ZC3H14: variants seen among roughly 807,000 people sequenced by gnomAD.
The protein encoded by ZC3H14 is zinc finger CCCH domain-containing protein 14.
In ZC3H14, 31 loss-of-function variants were observed where a neutral mutation model predicts 92.4. That is an observed-to-expected ratio of 0.34 (90% CI 0.25 to 0.45). ZC3H14 has a LOEUF of 0.45. Ranked by LOEUF, ZC3H14 falls within the 20% of genes least tolerant of loss-of-function variation. The probability of loss-of-function intolerance (pLI) is 1.00; values close to 1 mark genes in which losing one functional copy is unlikely to be tolerated. For synonymous variants in ZC3H14, 321 were observed against 300.9 expected, an observed-to-expected ratio of 1.07 and a Z score of -0.69; for missense variants, 781 against 897.3, an observed-to-expected ratio of 0.87 and a Z score of 1.66.
At chr14:88,594,242 C>G (rs2083511529) in intron 9 of ZC3H14, 1 of 190,172 alleles carries the variant, frequency 5.3e-6, no homozygotes, top group Non-Finnish European at 9.7e-6. Flanking sequence ...TAATTCATAT[C>G]ATATTTAGAT....
intron 2 of ZC3H14, among the ~76,000 whole-genome samples, chr14:88,567,124 A>ATTTATTTT (rs142510062): frequency 0.24 from 34,677 of 145,146 alleles, 4,509 homozygotes; most frequent in East Asian, 0.3. Context: ...TTATTTATTT[A>ATTTATTTT]TTTTTTTTTG....
At chr14:88,579,656 C>T (rs1283742008) in intron 9 of ZC3H14, among the ~76,000 whole-genome samples, 5 of 152,158 alleles carry the variant, frequency 3.3e-5, no homozygotes, top group African/African-American at 9.7e-5. Context: ...TATTTTTTAA[C>T]ATCACAAAAT....
intron 3 of ZC3H14, among the ~76,000 whole-genome samples, chr14:88,568,909 G>A (rs1168184792): frequency 6.6e-6 from 1 of 151,876 alleles, no homozygotes; most frequent in Non-Finnish European, 1.5e-5. Context: ...TTGAGACAGG[G>A]TCTTGCTCTG....
chr14:88,578,100 A>G lies in ZC3H14; in HGVS notation c.1239A>G (p.Lys413=), dbSNP rs1487056044. 1 of 1,614,052 alleles carries G rather than the reference A, an allele frequency of 6.2e-7. No individual in the cohort carries two copies. Among genetic ancestry groups the G allele is most frequent in the African/African-American group, 1.3e-5 (1 of 74,928 alleles). Residue 413 remains lysine (K), a synonymous_variant, in exon 9 of 17, where the codon AAA becomes AAG. Transcript: ENST00000251038. The part of the protein sequence containing the change: ...SRTPRISPPI[K]EEETKGDSVE... ...CCCCCAGAATAAGTCCCCCCATTAAAGAAGAGGAAACAAAAGGAGATTCTG... is the reference window on the plus strand; with the variant it reads ...CCCCCAGAATAAGTCCCCCCATTAAGGAAGAGGAAACAAAAGGAGATTCTG...
At chr14:88,581,019 G>T (rs770703527) in intron 9 of ZC3H14, among the ~76,000 whole-genome samples, 49 of 152,268 alleles carry the variant, frequency 3.2e-4, no homozygotes, top group Non-Finnish European at 5.1e-4. Flanking sequence ...TTATCTATAT[G>T]CAGAAATTCA....
rs1052825101 is a variant in ZC3H14 at position 88,610,831 on chromosome 14, C to A, written c.2098-3C>A. 1.2e-6 allele frequency: 2 copies of A among 1,612,572 alleles called. No individual in the cohort carries two copies. The highest frequency in any genetic ancestry group is 2.7e-5 in the African/African-American group (2 of 74,974). ...TTGTTGAAGCTCTGTTATCTCTATT[C>A]AGCATTGTAGGTTTAACACTCAATG... On this transcript the variant is annotated splice_region_variant and splice_polypyrimidine_tract_variant and intron_variant, in intron 15 of 16. Transcript: ENST00000251038.
intron 9 of ZC3H14, among the ~76,000 whole-genome samples, chr14:88,596,413 A>G (rs1316902261): frequency 6.6e-6 from 1 of 152,170 alleles, no homozygotes; most frequent in African/African-American, 2.4e-5. Flanking sequence ...CTGCTGGGCC[A>G]CAAGGTGCCT....
In ZC3H14 at chr14:88,619,743, C is replaced by CA. The variant is rs2088522206; in HGVS notation, c.*7994dup. 1 of 152,178 alleles carries CA rather than the reference C, an allele frequency of 6.6e-6. No individual in the cohort carries two copies. The highest frequency in any genetic ancestry group is 2.4e-5 in the African/African-American group (1 of 41,436). 9.4% of individuals were successfully genotyped at this position (152,178 alleles called of 1,614,324 possible). A position where few individuals can be genotyped will look rare whatever the true frequency, so the allele number is the denominator to read the frequency against. On this transcript the variant is annotated 3_prime_UTR_variant, in exon 17 of 17. Transcript: ENST00000251038. ...TCTCCCAGGCTGGAGTGCGATGGCGCAACCTCCGCCTCCCGGGTTCAAGCG... is the reference window on the plus strand; with the variant it reads ...TCTCCCAGGCTGGAGTGCGATGGCGCAAACCTCCGCCTCCCGGGTTCAAGCG...
Position 88,626,635 on chromosome 14 carries a change from T to C in ZC3H14, c.*14884T>C. ...CTGTGTCAAAAAAAAAAAAAAATCCTTTTCCCCCTCTCATTAACATTCTTT... is the reference window on the plus strand; with the variant it reads ...CTGTGTCAAAAAAAAAAAAAAATCCCTTTCCCCCTCTCATTAACATTCTTT... On this transcript the variant is annotated 3_prime_UTR_variant, in exon 17 of 17. Coordinates refer to ENST00000251038, the MANE Select transcript of ZC3H14 (RefSeq NM_024824.5). The C allele has an allele frequency of 5.0e-6, 3 of 604,074 alleles. No individual in the cohort carries two copies. The East Asian group carries it at 8.9e-5, about 18-fold the overall frequency. 37.4% of individuals were successfully genotyped at this position (604,074 alleles called of 1,614,324 possible). A position where few individuals can be genotyped will look rare whatever the true frequency, so the allele number is the denominator to read the frequency against.
chr14:88,596,914 A>G lies in ZC3H14; in HGVS notation c.1354+106A>G, dbSNP rs1336912369. The G allele has an allele frequency of 9.7e-6, 9 of 931,174 alleles. 1 individual carries two copies. Among genetic ancestry groups the G allele is most frequent in the African/African-American group, 3.2e-5 (2 of 61,672 alleles). The allele number at this position is 931,174 out of a possible 1,614,324, so 57.7% of individuals were successfully genotyped here. A position where few individuals can be genotyped will look rare whatever the true frequency, so the allele number is the denominator to read the frequency against. ...CGGATCTCTTAGATCCTGCCCTAAG[A>G]TGTTATATTTAGATCTGTGAAAATA... On this transcript the variant is annotated intron_variant, in intron 10 of 16. Transcript: ENST00000251038.
rs1461045343 is a variant in ZC3H14 at position 88,622,496 on chromosome 14, G to A, written c.*10745G>A. ...AGTAATGTTGGCAAGCAAATCCATCGTTATGCATTATTAAGTATTGTTCAT... is the reference window on the plus strand; with the variant it reads ...AGTAATGTTGGCAAGCAAATCCATCATTATGCATTATTAAGTATTGTTCAT... On this transcript the variant is annotated 3_prime_UTR_variant, in exon 17 of 17. Transcript: ENST00000251038. 20 of 839,808 alleles carry A rather than the reference G, an allele frequency of 2.4e-5. No homozygotes were observed. In the South Asian group the frequency reaches 3.0e-4, roughly 13 times the overall value. The allele number at this position is 839,808 out of a possible 1,614,324, so 52.0% of individuals were successfully genotyped here. A position where few individuals can be genotyped will look rare whatever the true frequency, so the allele number is the denominator to read the frequency against.
intron 9 of ZC3H14, among the ~76,000 whole-genome samples, chr14:88,585,982 A>G (rs898320822): frequency 6.6e-6 from 1 of 152,124 alleles, no homozygotes; most frequent in African/African-American, 2.4e-5. Flanking sequence ...CAGCCTGACC[A>G]TATGGTGAAA....
Position 88,611,757 on chromosome 14 carries a change from A to C in ZC3H14, c.*6A>C. 6.2e-7 allele frequency: 1 copy of C among 1,614,068 alleles called. No individual in the cohort carries two copies. Among genetic ancestry groups the C allele is most frequent in the East Asian group, 2.2e-5 (1 of 44,870 alleles). On this transcript the variant is annotated 3_prime_UTR_variant, in exon 17 of 17. Transcript: ENST00000251038. The stretch of plus-strand genomic sequence containing the variant: ...TCTGTTCATTCAGCGAATAGCACCC[A>C]GTCCTGCCTGGCAGAAGATCATGCA...
chr14:88,627,017 T>G lies in ZC3H14; in HGVS notation c.*15266T>G, dbSNP rs1316811794. The G allele has an allele frequency of 6.2e-7, 1 of 1,613,754 alleles. No individual in the cohort carries two copies. The highest frequency in any genetic ancestry group is 1.3e-5 in the African/African-American group (1 of 74,884). On this transcript the variant is annotated 3_prime_UTR_variant, in exon 17 of 17. Transcript: ENST00000251038. ...AATTCTGCCACAAAAATACGTTGAT[T>G]GTGACCAGCTCTGCTGGCAATTTTG...
chr14:88,622,379 T>C lies in ZC3H14; in HGVS notation c.*10628T>C, dbSNP rs143063905. 1,211 of 378,380 alleles carry C rather than the reference T, an allele frequency of 3.2e-3. 9 individuals are homozygous for C. Among genetic ancestry groups the C allele is most frequent in the East Asian group, 0.019 (475 of 25,322 alleles). The allele number at this position is 378,380 out of a possible 1,614,324, so 23.4% of individuals were successfully genotyped here. ...TTAAATTGGCAGATTCTAGAAAATATTGGAGGTTTACATACAGTATTTAGA... is the reference window on the plus strand; with the variant it reads ...TTAAATTGGCAGATTCTAGAAAATACTGGAGGTTTACATACAGTATTTAGA... On this transcript the variant is annotated 3_prime_UTR_variant, in exon 17 of 17. Transcript: ENST00000251038.
At chr14:88,603,444 T>A (rs2084915742) in intron 12 of ZC3H14, among the ~76,000 whole-genome samples, 2 of 152,230 alleles carry the variant, frequency 1.3e-5, no homozygotes, top group South Asian at 4.1e-4. Context: ...AAATTTAGAT[T>A]TGATGCTATT....
rs753106435 is a variant in ZC3H14 at position 88,572,701 on chromosome 14, C to G, written c.555C>G (p.Asp185Glu). The G allele has an allele frequency of 6.2e-7, 1 of 1,614,070 alleles. No homozygotes were observed. The highest frequency in any genetic ancestry group is 8.5e-7 in the Non-Finnish European group (1 of 1,180,054). The change falls in exon 6 of 17, where the codon GAC (aspartate) becomes GAG (glutamate). Residue 185 changes from aspartate to glutamate, a missense_variant. Transcript: ENST00000251038. ...AACCAGATGATCTCATTGACGAAGA[C>G]CTCAACTTTGTGCAGGAGAATCCCT... Reference protein sequence around the residue: ...KPEPDDLIDEDLNFVQENPLS... With the variant: ...KPEPDDLIDEELNFVQENPLS...
rs2088360593 is a variant in ZC3H14 at position 88,619,182 on chromosome 14, A to G, written c.*7431A>G. On this transcript the variant is annotated 3_prime_UTR_variant, in exon 17 of 17. Coordinates refer to ENST00000251038, the MANE Select transcript of ZC3H14 (RefSeq NM_024824.5). ...AGAGTTTGAGACCAGCCTGACCAAC[A>G]TAGAGAAACCCTGTCTCTACTAAAA... 1 of 159,330 alleles carries G rather than the reference A, an allele frequency of 6.3e-6. No individual in the cohort carries two copies. The highest frequency in any genetic ancestry group is 1.4e-5 in the Non-Finnish European group (1 of 72,826). The allele number at this position is 159,330 out of a possible 1,614,324, so 9.9% of individuals were successfully genotyped here. A position where few individuals can be genotyped will look rare whatever the true frequency, so the allele number is the denominator to read the frequency against.
chr14:88,567,455 T>C (rs2079849197), intron 2 of ZC3H14, among the ~76,000 whole-genome samples: 1 of 151,606 alleles, frequency 6.6e-6, no homozygotes, highest in South Asian at 2.1e-4. Flanking sequence ...ACCTCACCCT[T>C]ATAATCATTG....
Sources: gnomAD v4.1 joint callset for allele counts (sites outside exome capture counted in the v4.1 genomes callset) on GRCh38, gnomAD v4.1.1 for gene constraint, MANE v1.5 for transcripts, NCBI Gene and HGNC (gene_info 2026-07-23, HGNC 2026-07-21) for gene names.